Variants in SUMF1 observed in about 807,000 individuals in gnomAD.
SUMF1 encodes sulfatase modifying factor 1, also known as formylglycine-generating enzyme.
SUMF1 carries 48 observed loss-of-function variants against 47.6 expected under a neutral mutation model. The ratio of observed to expected loss-of-function variants is 1.01; its 90% CI spans 0.80 to 1.28. The LOEUF (loss-of-function observed/expected upper bound fraction) is 1.28. SUMF1 is among the 50% of genes most tolerant of loss of function. The pLI, the probability that SUMF1 is intolerant of heterozygous loss-of-function variation, is 0.00. For missense variants in SUMF1, 571 were observed against 485.4 expected, an observed-to-expected ratio of 1.18 and a Z score of -1.66; for synonymous variants, 230 against 192.1, an observed-to-expected ratio of 1.20 and a Z score of -1.63.
At chr3:4,040,426 G>C (rs1476053180) in intron 9 of SUMF1, among the ~76,000 whole-genome samples, 2 of 152,150 alleles carry the variant, frequency 1.3e-5, no homozygotes, top group South Asian at 4.2e-4. Context: ...AACCCAGCAG[G>C]CGTCTAATAA....
chr3:4,321,746 C>A (rs969729883), intron 8 of SUMF1, among the ~76,000 whole-genome samples: 3 of 151,990 alleles, frequency 2.0e-5, no homozygotes, highest in African/African-American at 2.4e-5. Context: ...TTTCTGCCCA[C>A]GAAAAGGGGG....
chr3:4,163,252 A>G (rs1318607147), intron 8 of SUMF1, among the ~76,000 whole-genome samples: 1 of 150,326 alleles, frequency 6.7e-6, no homozygotes, highest in African/African-American at 2.5e-5. Flanking sequence ...CACTCCAACA[A>G]CCAATTATCT....
At chr3:4,230,554 TG>T (rs1293525446) in intron 8 of SUMF1, among the ~76,000 whole-genome samples, 11 of 152,104 alleles carry the variant, frequency 7.2e-5, no homozygotes, top group Non-Finnish European at 1.6e-4. Flanking sequence ...GGAGCTTCCG[TG>T]CCCTCTCCGG....
intron 3 of SUMF1, among the ~76,000 whole-genome samples, chr3:4,448,275 A>C (rs1333829544): frequency 1.3e-5 from 2 of 152,230 alleles, no homozygotes; most frequent in Non-Finnish European, 2.9e-5. Flanking sequence ...AACATAAGCC[A>C]GGACAGTTTC....
chr3:4,211,199 C>CATATATATATATATATGTATAT (rs3046224), intron 8 of SUMF1, among the ~76,000 whole-genome samples: 1 of 85,038 alleles, frequency 1.2e-5, no homozygotes, highest in African/African-American at 4.9e-5. Flanking sequence ...CATATACATA[C>CATATATATATATATATGTATAT]ATACATATAT....
At chr3:4,266,194 G>T (rs146765173) in intron 8 of SUMF1, among the ~76,000 whole-genome samples, 3,798 of 152,260 alleles carry the variant, frequency 0.025, 152 homozygotes, top group African/African-American at 0.086. Context: ...TTTGGCTTAG[G>T]ATTGACTTGG....
chr3:4,034,721 C>T (rs1694760933), intron 9 of SUMF1, among the ~76,000 whole-genome samples: 1 of 151,878 alleles, frequency 6.6e-6, no homozygotes, highest in Admixed American at 6.6e-5. Context: ...TGCCCTGGCT[C>T]CAAGATTTCA....
At chr3:4,035,793 T>G (rs1329153984) in intron 9 of SUMF1, among the ~76,000 whole-genome samples, 1 of 152,164 alleles carries the variant, frequency 6.6e-6, no homozygotes, top group African/African-American at 2.4e-5. Flanking sequence ...GTCTATACCT[T>G]TCTAAGATAG....
intron 8 of SUMF1, among the ~76,000 whole-genome samples, chr3:4,253,265 TG>T (rs1317539071): frequency 6.6e-6 from 1 of 152,164 alleles, no homozygotes; most frequent in Non-Finnish European, 1.5e-5. Context: ...GGAGCCAAGA[TG>T]GCCGAATAGG....
intron 8 of SUMF1, among the ~76,000 whole-genome samples, chr3:4,129,470 C>A (rs1366766331): frequency 1.3e-5 from 2 of 152,066 alleles, no homozygotes; most frequent in Non-Finnish European, 2.9e-5. Flanking sequence ...GAAAAAAAGA[C>A]TAATTTGAAT....
chr3:4,440,231 G>A (rs373996488), intron 3 of SUMF1, among the ~76,000 whole-genome samples: 39 of 127,814 alleles, frequency 3.1e-4, no homozygotes, highest in South Asian at 1.9e-3. Context: ...CAACAAGAGC[G>A]AGACTCTGTC....
chr3:4,355,728 T>C (rs1232695819), intron 8 of SUMF1, among the ~76,000 whole-genome samples: 2 of 152,172 alleles, frequency 1.3e-5, no homozygotes, highest in African/African-American at 4.8e-5. Flanking sequence ...AAGGGGTTTG[T>C]CAAATATGGC....
chr3:4,289,058 G>A (rs1488175633), intron 8 of SUMF1, among the ~76,000 whole-genome samples: 2 of 152,188 alleles, frequency 1.3e-5, no homozygotes, highest in Non-Finnish European at 2.9e-5. Flanking sequence ...CTCCTGGTGG[G>A]CAGTAATGCC....
At chr3:4,281,372 A>G (rs898027608) in intron 8 of SUMF1, among the ~76,000 whole-genome samples, 2 of 152,138 alleles carry the variant, frequency 1.3e-5, no homozygotes, top group African/African-American at 4.8e-5. Context: ...AGCCAGAGAA[A>G]AGGAAAGAGT....
intron 8 of SUMF1, among the ~76,000 whole-genome samples, chr3:4,189,326 A>G (rs545125365): frequency 1.3e-5 from 2 of 152,274 alleles, no homozygotes; most frequent in African/African-American, 4.8e-5. Context: ...GTCCAACTCA[A>G]GGCTAACTTT....
At chr3:4,388,685 G>T (rs1322281594) in intron 7 of SUMF1, among the ~76,000 whole-genome samples, 6 of 151,848 alleles carry the variant, frequency 4.0e-5, no homozygotes, top group African/African-American at 1.5e-4. Flanking sequence ...TTTTAAAAAA[G>T]AATTCCATTT....
chr3:4,362,338 T>G, intron 8 of SUMF1, 84 bp from the exon 9 acceptor site: 1 of 1,119,094 alleles, frequency 8.9e-7, no homozygotes, highest in South Asian at 1.3e-5. Flanking sequence ...TTGCACCGGC[T>G]GTAGACAGTG....
intron 8 of SUMF1, chr3:4,303,286 C>T (rs913567417): frequency 7.3e-7 from 1 of 1,363,660 alleles, no homozygotes; most frequent in Middle Eastern, 1.9e-4. Context: ...TCCCATGAGG[C>T]GGTGGGGCCA....
intron 9 of SUMF1, among the ~76,000 whole-genome samples, chr3:4,044,556 A>G (rs920811650): frequency 5.3e-5 from 8 of 152,252 alleles, no homozygotes; most frequent in African/African-American, 1.9e-4. Flanking sequence ...ATCCATGCTC[A>G]ATTAAAGAAA....
Sources: allele counts gnomAD v4.1 joint callset (sites outside exome capture counted in the v4.1 genomes callset), GRCh38; gene constraint gnomAD v4.1.1; transcripts MANE v1.5; gene names NCBI Gene and HGNC (gene_info 2026-07-23, HGNC 2026-07-21).